Variants in HYDIN observed in about 807,000 individuals in gnomAD.
HYDIN encodes the protein HYDIN axonemal central pair apparatus protein, also known as axonemal central pair apparatus protein HYDIN.
A neutral mutation model predicts 403.9 loss-of-function variants in HYDIN; 132 were observed. The observed-to-expected ratio is 0.33, with a 90% CI of 0.28 to 0.38. The LOEUF (loss-of-function observed/expected upper bound fraction) is 0.38, where lower values mean the gene tolerates loss of function less well. Among genes scored for constraint, HYDIN ranks in the 10% least tolerant of loss-of-function variants. HYDIN has a pLI of 1.00. For synonymous variants in HYDIN, 1,202 were observed against 1,891.7 expected (o/e 0.64, Z 9.46); for missense variants, 2,827 against 5,009.5 (o/e 0.56, Z 13.15).
intron 83 of HYDIN, among the ~76,000 whole-genome samples, chr16:70,819,323 C>T (rs2036070419): frequency 6.6e-6 from 1 of 152,046 alleles, no homozygotes; most frequent in Non-Finnish European, 1.5e-5. Context: ...AATAGAAATG[C>T]TTAATTAGTT....
At chr16:71,066,127 A>C (rs906599859) in intron 15 of HYDIN, among the ~76,000 whole-genome samples, 1 of 150,186 alleles carries the variant, frequency 6.7e-6, no homozygotes, top group African/African-American at 2.4e-5. Context: ...TTTTTTTTTA[A>C]TTTAGAATTT....
At chr16:71,143,683 GGT>G (rs2085256141) in intron 7 of HYDIN, among the ~76,000 whole-genome samples, 1 of 152,152 alleles carries the variant, frequency 6.6e-6, no homozygotes, top group South Asian at 2.1e-4. Context: ...AGTTGATGCG[GGT>G]AAGTCTGCAT....
At chr16:70,884,568 GTTTA>G (rs1314561962) in intron 58 of HYDIN, among the ~76,000 whole-genome samples, 2 of 151,850 alleles carry the variant, frequency 1.3e-5, no homozygotes, top group East Asian at 3.9e-4. Context: ...CTGAGTCTCA[GTTTA>G]TTTATCTATA....
At chr16:71,041,932 T>TA (rs1203372993) in intron 18 of HYDIN, among the ~76,000 whole-genome samples, 1 of 152,092 alleles carries the variant, frequency 6.6e-6, no homozygotes, top group Non-Finnish European at 1.5e-5. Context: ...TAGAAGCTTT[T>TA]AAAAAAATAA....
intron 80 of HYDIN, among the ~76,000 whole-genome samples, chr16:70,831,381 G>A (rs565871423): frequency 4.0e-5 from 6 of 149,494 alleles, no homozygotes; most frequent in Admixed American, 2.7e-4. Context: ...ATGATGGTGG[G>A]GGCCTGTAAT....
chr16:70,922,270 C>A (rs1774391), intron 45 of HYDIN, among the ~76,000 whole-genome samples: 1 of 152,248 alleles, frequency 6.6e-6, no homozygotes, highest in African/African-American at 2.4e-5. Flanking sequence ...TATTCCTTCA[C>A]GCTCTGCCAA....
At position 70,807,802 on chromosome 16, in the gene HYDIN, G is replaced by A. The variant is rs1290417412; in HGVS notation, c.15144C>T (p.His5048=). ...IIIPFKNVFY[H]MVTFSIIVDN... is the part of the protein sequence containing the mutation. ...CCACGATGATGGAGAAGGTCACCAT[G>A]TGATAGAAGACATTCTTGAAGGGGA... The change falls in exon 86 of 86, where the codon CAC becomes CAT. Residue 5048 remains histidine (H), a synonymous_variant. Coordinates refer to ENST00000393567, the MANE Select transcript of HYDIN (RefSeq NM_001270974.2). 4 of 1,614,208 alleles carry A rather than the reference G, an allele frequency of 2.5e-6. No homozygotes were observed. In the South Asian group the frequency reaches 4.4e-5, roughly 18 times the overall value.
At chr16:71,209,266 T>C (rs565823056) in intron 1 of HYDIN, among the ~76,000 whole-genome samples, 1 of 150,480 alleles carries the variant, frequency 6.6e-6, no homozygotes, top group Non-Finnish European at 1.5e-5. Flanking sequence ...ATGTGATTCA[T>C]CACATAAACA....
intron 30 of HYDIN, among the ~76,000 whole-genome samples, chr16:70,976,943 C>A (rs929988234): frequency 6.6e-6 from 1 of 151,862 alleles, no homozygotes; most frequent in African/African-American, 2.4e-5. Context: ...AGAGGAGCAG[C>A]GTCTGCTGAC....
intron 30 of HYDIN, among the ~76,000 whole-genome samples, chr16:70,977,203 C>CT (rs1393141570): frequency 6.9e-6 from 1 of 145,584 alleles, no homozygotes; most frequent in Non-Finnish European, 1.5e-5. Flanking sequence ...AAGGCAGAGG[C>CT]TAAGGGCACC....
At chr16:70,951,245 G>GA (rs2078058602) in intron 41 of HYDIN, among the ~76,000 whole-genome samples, 9 of 144,830 alleles carry the variant, frequency 6.2e-5, no homozygotes, top group Non-Finnish European at 1.2e-4. Flanking sequence ...TAGGGAAAAG[G>GA]GACAGAGAGA....
At chr16:71,009,680 C>T (rs1336125882) in intron 23 of HYDIN, among the ~76,000 whole-genome samples, 1 of 148,654 alleles carries the variant, frequency 6.7e-6, no homozygotes, top group Non-Finnish European at 1.5e-5. Flanking sequence ...TGAGTCAGCC[C>T]AGTGATCTAA....
intron 23 of HYDIN, among the ~76,000 whole-genome samples, chr16:70,999,103 A>C (rs1191503841): frequency 6.6e-6 from 1 of 152,178 alleles, no homozygotes; most frequent in Admixed American, 6.5e-5. Flanking sequence ...TAGGAGATGA[A>C]TACCATCTTT....
chr16:70,850,575 A>C lies in HYDIN; in HGVS notation c.12524T>G (p.Val4175Gly), dbSNP rs897322854. ...FNLICNVEKK[V>G]HPVTLNVKAE... ...CTTGACATTTAATGTCACAGGGTGGACTTTCTTTTCCACATTGCAGATCAA... is the reference window on the plus strand; with the variant it reads ...CTTGACATTTAATGTCACAGGGTGGCCTTTCTTTTCCACATTGCAGATCAA... Residue 4175 changes from valine to glycine, a missense_variant, in exon 74 of 86, where the codon GTC becomes GGC. Transcript: ENST00000393567. 6.2e-7 allele frequency: 1 copy of C among 1,613,706 alleles called. No individual in the cohort carries two copies. The highest frequency in any genetic ancestry group is 8.5e-7 in the Non-Finnish European group (1 of 1,179,944).
rs1001612816 is a variant in HYDIN at position 70,805,983 on chromosome 16, G to A, written c.*1597C>T. Among the ~76,000 whole-genome samples, 6 of 152,146 alleles carry A rather than the reference G, an allele frequency of 3.9e-5. No homozygotes were observed. Among genetic ancestry groups the A allele is most frequent in the East Asian group, 1.9e-4 (1 of 5,190 alleles). The stretch of plus-strand genomic sequence containing the variant: ...GATGTGAATCATCCCCTCGTCTAGC[G>A]TATGCATGCTGTAGACACAACCTAC... On this transcript the variant is annotated 3_prime_UTR_variant, in exon 86 of 86. Coordinates refer to ENST00000393567, the MANE Select transcript of HYDIN (RefSeq NM_001270974.2).
chr16:70,997,736 C>G (rs1017948220), intron 23 of HYDIN, among the ~76,000 whole-genome samples: 2 of 150,956 alleles, frequency 1.3e-5, no homozygotes, highest in African/African-American at 4.9e-5. Context: ...GTCTGTCTCA[C>G]CACGGTCTCC....
intron 3 of HYDIN, among the ~76,000 whole-genome samples, chr16:71,182,855 T>A (rs1421809042): frequency 6.6e-6 from 1 of 151,978 alleles, no homozygotes; most frequent in Non-Finnish European, 1.5e-5. Context: ...TATTTAGTGA[T>A]CAGAAATGAG....
chr16:70,990,101 T>TA (rs1490444053), intron 25 of HYDIN, among the ~76,000 whole-genome samples: 1 of 152,020 alleles, frequency 6.6e-6, no homozygotes, highest in African/African-American at 2.4e-5. Context: ...AGAGTTAATG[T>TA]AAAAAATTGC....
intron 1 of HYDIN, among the ~76,000 whole-genome samples, chr16:71,197,523 C>T (rs1382471524): frequency 6.6e-6 from 1 of 152,120 alleles, no homozygotes; most frequent in Non-Finnish European, 1.5e-5. Flanking sequence ...AAAGTGATAT[C>T]ACCTTTTAAA....
Sources: gnomAD v4.1 joint callset for allele counts (sites outside exome capture counted in the v4.1 genomes callset) on GRCh38, gnomAD v4.1.1 for gene constraint, MANE v1.5 for transcripts, NCBI Gene and HGNC (gene_info 2026-07-23, HGNC 2026-07-21) for gene names.